The following CCDC7 variants were observed in gnomAD, a reference collection of about 807,000 sequenced individuals.
CCDC7 encodes coiled-coil domain containing 7.
In CCDC7, 183 loss-of-function variants were observed where a neutral mutation model predicts 196.9. The observed-to-expected ratio is 0.93, with a 90% CI of 0.82 to 1.05. The LOEUF is 1.05. Ranked by LOEUF, CCDC7 falls within the 50% of genes least tolerant of loss-of-function variation. The pLI is 0.00. For missense variants in CCDC7, 1,540 were observed against 1,482.2 expected (o/e 1.04, Z -0.64); for synonymous variants, 525 against 484.6 (o/e 1.08, Z -1.10).
At chr10:32,594,491 G>C (rs1160273123) in intron 18 of CCDC7, among the ~76,000 whole-genome samples, 1 of 152,170 alleles carries the variant, frequency 6.6e-6, no homozygotes, top group Admixed American at 6.5e-5. Context: ...CATGTCATCT[G>C]CAAACAGGGG....
At chr10:32,529,964 G>C (rs957228922) in intron 11 of CCDC7, among the ~76,000 whole-genome samples, 1 of 152,136 alleles carries the variant, frequency 6.6e-6, no homozygotes, top group African/African-American at 2.4e-5. Context: ...GAAAGATGAG[G>C]ATCCAGTTAC....
intron 18 of CCDC7, among the ~76,000 whole-genome samples, chr10:32,601,878 G>A (rs2061059144): frequency 6.6e-6 from 1 of 152,072 alleles, no homozygotes. Context: ...TCTGTAAAAT[G>A]GACCAATCAG....
intron 31 of CCDC7, among the ~76,000 whole-genome samples, chr10:32,818,511 C>T (rs1301199626): frequency 6.6e-6 from 1 of 152,142 alleles, no homozygotes; most frequent in Non-Finnish European, 1.5e-5. Flanking sequence ...ACAGAACTCT[C>T]CACCCCAAAT....
At chr10:32,560,846 T>A (rs567455908) in intron 13 of CCDC7, among the ~76,000 whole-genome samples, 5 of 152,374 alleles carry the variant, frequency 3.3e-5, no homozygotes, top group African/African-American at 9.6e-5. Context: ...GTAAATGGGC[T>A]AAATGCTCCA....
rs141126025 is a variant in CCDC7, at chr10:32,647,244, C to T, written c.2014+12086C>T. Among the ~76,000 whole-genome samples the T allele has an allele frequency of 1.1e-3, 160 of 152,272 alleles. 1 individual carries two copies. Among genetic ancestry groups the T allele is most frequent in the African/African-American group, 3.2e-3 (133 of 41,554 alleles). ...TTTATAGGCTGGGAACAGTGGCTCA[C>T]GCCACTAATCCCAACACTTTGGGAG... is the stretch of plus-strand genomic sequence containing the variant. On this transcript the variant is annotated intron_variant, in intron 20 of 41. Transcript: ENST00000639629.
rs79484290 is a variant in CCDC7 at position 32,621,149 on chromosome 10, A to G, written c.1802-13105A>G. On this transcript the variant is annotated intron_variant, in intron 18 of 41. Coordinates refer to ENST00000639629, the Ensembl canonical transcript of CCDC7. ...TGTCAAGATTTAGGTGATAAATTAT[A>G]TGGTCACTTTACTTTGAAGGATTTT... 6.8e-4 allele frequency among the ~76,000 whole-genome samples: 104 copies of G among 152,298 alleles called. 2 individuals carry two copies. In the East Asian group the frequency reaches 0.013, roughly 20 times the overall value.
chr10:32,863,886 A>AAAATAAATAAAT (rs76626663), intron 41 of CCDC7, among the ~76,000 whole-genome samples: 122 of 147,474 alleles, frequency 8.3e-4, no homozygotes, highest in African/African-American at 1.2e-3. Flanking sequence ...GCTAAAAAAC[A>AAAATAAATAAAT]AAATAAATAA....
intron 3 of CCDC7, among the ~76,000 whole-genome samples, chr10:32,457,652 T>G (rs1272271073): frequency 6.6e-6 from 1 of 152,174 alleles, no homozygotes; most frequent in Non-Finnish European, 1.5e-5. Flanking sequence ...CCACCAAAAG[T>G]GTATATATGT....
chr10:32,648,042 A>G (rs958989615), intron 20 of CCDC7, among the ~76,000 whole-genome samples: 14 of 152,212 alleles, frequency 9.2e-5, no homozygotes, highest in Non-Finnish European at 1.9e-4. Context: ...AATATTCTGC[A>G]TAAGGTTAGG....
chr10:32,795,228 T>C (rs2083360438), intron 29 of CCDC7, among the ~76,000 whole-genome samples: 1 of 152,172 alleles, frequency 6.6e-6, no homozygotes, highest in Non-Finnish European at 1.5e-5. Flanking sequence ...TTTGAGGTTT[T>C]TAAATATTTT....
At chr10:32,537,675 T>C (rs1023770111) in intron 11 of CCDC7, among the ~76,000 whole-genome samples, 3 of 152,164 alleles carry the variant, frequency 2.0e-5, no homozygotes, top group Non-Finnish European at 4.4e-5. Flanking sequence ...TTGAATGTGG[T>C]GTAAGGTAGG....
chr10:32,694,644 G>A (rs2077478087), intron 23 of CCDC7, among the ~76,000 whole-genome samples: 1 of 152,066 alleles, frequency 6.6e-6, no homozygotes, highest in Non-Finnish European at 1.5e-5. Flanking sequence ...ATAACATAAG[G>A]AAACTAGTGA....
intron 4 of CCDC7, 49 bp downstream of exon 5, chr10:32,462,752 A>G (rs1207458511): frequency 2.1e-6 from 3 of 1,420,840 alleles, no homozygotes; most frequent in Non-Finnish European, 2.9e-6. Flanking sequence ...TAACACAGAA[A>G]TACATGCCAA....
At position 32,847,898 on chromosome 10, in the gene CCDC7, C is replaced by T. The variant is rs1459251658; in HGVS notation, c.3754C>T (p.Gln1252Ter). Reference sequence around the variant, plus strand: ...TAAAACAATTGGTGAGATAAAGACACAACTAAGGACTCACTATGGTAAGAA... The same window carrying T: ...TAAAACAATTGGTGAGATAAAGACATAACTAAGGACTCACTATGGTAAGAA... The change falls in exon 38 of 42, where the codon CAA (glutamine) becomes TAA (stop). Residue 1252 changes from glutamine to a stop codon, truncating the protein, a stop_gained. Transcript: ENST00000639629. LOFTEE classifies it high-confidence loss of function. 1 of 1,603,638 alleles carries T rather than the reference C, an allele frequency of 6.2e-7. No individual in the cohort carries two copies. The highest frequency in any genetic ancestry group is 1.7e-5 in the Admixed American group (1 of 59,442).
At chr10:32,647,932 G>A (rs2068061379) in intron 20 of CCDC7, among the ~76,000 whole-genome samples, 1 of 152,212 alleles carries the variant, frequency 6.6e-6, no homozygotes, top group Non-Finnish European at 1.5e-5. Context: ...TATTTCCTAG[G>A]TTGTCTTCTA....
At chr10:32,695,418 A>T (rs550114417) in intron 24 of CCDC7, among the ~76,000 whole-genome samples, 2 of 152,320 alleles carry the variant, frequency 1.3e-5, no homozygotes, top group East Asian at 3.9e-4. Flanking sequence ...GGGGAAAAAC[A>T]ACCTATGTGG....
At chr10:32,692,743 C>A (rs2077231123) in intron 23 of CCDC7, among the ~76,000 whole-genome samples, 1 of 152,172 alleles carries the variant, frequency 6.6e-6, no homozygotes, top group Admixed American at 6.5e-5. Context: ...ATATTAAAAG[C>A]CATAGCCTAG....
At chr10:32,743,990 G>C (rs1190686280) in intron 28 of CCDC7, among the ~76,000 whole-genome samples, 4 of 122,136 alleles carry the variant, frequency 3.3e-5, no homozygotes. Flanking sequence ...GCCTGTTGTG[G>C]GGTGGGGGGA....
chr10:32,545,124 C>A (rs1461558175), intron 13 of CCDC7, among the ~76,000 whole-genome samples: 2 of 152,140 alleles, frequency 1.3e-5, no homozygotes, highest in Non-Finnish European at 2.9e-5. Flanking sequence ...ACTTAATTGT[C>A]TCAGATATCT....
Sources: allele counts gnomAD v4.1 joint callset (sites outside exome capture counted in the v4.1 genomes callset), GRCh38; gene constraint gnomAD v4.1.1; transcripts MANE v1.5; gene names NCBI Gene and HGNC (gene_info 2026-07-23, HGNC 2026-07-21).